The following TNFAIP8L3 variants were observed in gnomAD, a reference collection of about 807,000 sequenced individuals.
TNFAIP8L3 encodes tumor necrosis factor alpha-induced protein 8-like protein 3.
In TNFAIP8L3, 7 loss-of-function variants were observed where a neutral mutation model predicts 11.8. The observed-to-expected ratio is 0.59, with a 90% confidence interval of 0.34 to 1.11. TNFAIP8L3 has a LOEUF of 1.11. Ranked by LOEUF, TNFAIP8L3 falls within the 50% of genes most tolerant of loss-of-function variation. The probability of loss-of-function intolerance (pLI) is 0.03; values close to 1 mark genes in which losing one functional copy is unlikely to be tolerated. For missense variants in TNFAIP8L3, 219 were observed against 258.6 expected (o/e 0.85, Z 1.05); for synonymous variants, 98 against 103.8 (o/e 0.94, Z 0.34).
chr15:51,096,161 A>T (rs1177532422), upstream of TNFAIP8L3, among the ~76,000 whole-genome samples: 1 of 152,122 alleles, frequency 6.6e-6, no homozygotes, highest in African/African-American at 2.4e-5. Flanking sequence ...TGATGTCCAG[A>T]TCTGCTCCTG....
chr15:51,064,004 T>A (rs1271817387), intron 1 of TNFAIP8L3, among the ~76,000 whole-genome samples: 1 of 152,188 alleles, frequency 6.6e-6, no homozygotes, highest in Non-Finnish European at 1.5e-5. Flanking sequence ...TACCTGCAAG[T>A]AATTTGGGGT....
At chr15:51,081,048 G>A (rs1167922053) in intron 1 of TNFAIP8L3, among the ~76,000 whole-genome samples, 1 of 152,028 alleles carries the variant, frequency 6.6e-6, no homozygotes, top group Non-Finnish European at 1.5e-5. Flanking sequence ...TTTTCTCTCT[G>A]GAAGCTTTTA....
At chr15:51,104,117 A>C (rs1436505785) in intron 1 of TNFAIP8L3, among the ~76,000 whole-genome samples, 1 of 152,166 alleles carries the variant, frequency 6.6e-6, no homozygotes, top group Non-Finnish European at 1.5e-5. Flanking sequence ...CATAGTCTCC[A>C]AATTAGTGCC....
chr15:51,094,515 C>T lies in TNFAIP8L3; in HGVS notation c.52+29G>A, dbSNP rs1380962947. 1.0e-5 allele frequency: 15 copies of T among 1,469,538 alleles called. No individual in the cohort carries two copies. The highest frequency in any genetic ancestry group is 7.0e-5 in the Admixed American group (3 of 42,952). The allele number at this position is 1,469,538 out of a possible 1,614,324, so 91.0% of individuals were successfully genotyped here. A position where few individuals can be genotyped will look rare whatever the true frequency, so the allele number is the denominator to read the frequency against. On this transcript the variant is annotated intron_variant, in intron 1 of 1. Transcript: ENST00000637513. This position sits in a 1 kb window ranked among gnomAD's most constrained non-coding sequence, Gnocchi z 4.4. ...CCCGTCCTCCCCAGCCCCAGCCCAC[C>T]CGCCTGGGCCGTCGCGGCCCCTAGG...
chr15:51,084,225 T>C (rs2065411904), intron 1 of TNFAIP8L3, among the ~76,000 whole-genome samples: 1 of 152,174 alleles, frequency 6.6e-6, no homozygotes, highest in South Asian at 2.1e-4. Flanking sequence ...TGTATATACG[T>C]ACATACAGAA....
intron 1 of TNFAIP8L3, among the ~76,000 whole-genome samples, chr15:51,071,720 G>A (rs62018198): frequency 3.2e-4 from 49 of 152,226 alleles, no homozygotes; most frequent in Non-Finnish European, 5.6e-4. Context: ...TAACTTGATT[G>A]CCAAGGCCTG....
In TNFAIP8L3 at chr15:51,081,608, T is replaced by C. The variant is rs192800220; in HGVS notation, c.52+12936A>G. ...GCTGCTCAGACCTCAGCCACTCTCA[T>C]TGAGTGATGACAATTTGGCAGAGCT... On this transcript the variant is annotated intron_variant, in intron 1 of 1. Transcript: ENST00000637513. Among the ~76,000 whole-genome samples the C allele has an allele frequency of 5.9e-5, 9 of 152,320 alleles. No homozygotes were observed. In the East Asian group the frequency reaches 9.6e-4, roughly 16 times the overall value.
Position 51,094,475 on chromosome 15 carries a change from T to C in TNFAIP8L3, c.52+69A>G. 7.2e-7 allele frequency: 1 copy of C among 1,382,746 alleles called. No homozygotes were observed. Among genetic ancestry groups the C allele is most frequent in the Non-Finnish European group, 9.4e-7 (1 of 1,067,108 alleles). 85.7% of individuals were successfully genotyped at this position (1,382,746 alleles called of 1,614,324 possible). ...GGCTGCTGAGGATCGGCTTCCCGATTTCATGCCCCAGCCTCCCGTCCTCCC... is the reference window on the plus strand; with the variant it reads ...GGCTGCTGAGGATCGGCTTCCCGATCTCATGCCCCAGCCTCCCGTCCTCCC... On this transcript the variant is annotated intron_variant, in intron 1 of 1. Transcript: ENST00000637513. The surrounding 1 kb of genome is among the most constrained non-coding windows in gnomAD (Gnocchi z 4.4).
At chr15:51,103,412 A>G (rs1567300154) in intron 1 of TNFAIP8L3, among the ~76,000 whole-genome samples, 2 of 152,214 alleles carry the variant, frequency 1.3e-5, no homozygotes, top group African/African-American at 2.4e-5. Context: ...TTCATTTCAA[A>G]TCATTAACAG....
chr15:51,105,242 G>A, exon 1 of TNFAIP8L3: 10 of 1,543,076 alleles, frequency 6.5e-6, no homozygotes, highest in Non-Finnish European at 8.8e-6. Flanking sequence ...AGGAGGTCTG[G>A]TCGTTTCCCA....
chr15:51,071,202 C>T (rs191271798), intron 1 of TNFAIP8L3, among the ~76,000 whole-genome samples: 1 of 151,842 alleles, frequency 6.6e-6, no homozygotes, highest in Non-Finnish European at 1.5e-5. Flanking sequence ...GTAGCCACCA[C>T]CCAGATGGAA....
At chr15:51,102,232 C>A (rs970341528) in intron 1 of TNFAIP8L3, among the ~76,000 whole-genome samples, 4 of 152,100 alleles carry the variant, frequency 2.6e-5, no homozygotes, top group African/African-American at 9.7e-5. Context: ...GACAGGCATG[C>A]TTTCATCTGA....
At chr15:51,085,559 G>A (rs1350536455) in intron 1 of TNFAIP8L3, among the ~76,000 whole-genome samples, 1 of 152,076 alleles carries the variant, frequency 6.6e-6, no homozygotes, top group African/African-American at 2.4e-5. Context: ...ACAGTAGAAG[G>A]TGTCAGAAGG....
intron 1 of TNFAIP8L3, among the ~76,000 whole-genome samples, chr15:51,070,031 A>C (rs977680557): frequency 1.3e-5 from 2 of 152,244 alleles, no homozygotes. Context: ...CATACTCATC[A>C]AGACTTGAAG....
intron 1 of TNFAIP8L3, among the ~76,000 whole-genome samples, chr15:51,104,492 A>G (rs1425530148): frequency 6.6e-6 from 1 of 152,210 alleles, no homozygotes; most frequent in African/African-American, 2.4e-5. Context: ...CATGTCCTGC[A>G]TCTGCGCCAT....
intron 1 of TNFAIP8L3, among the ~76,000 whole-genome samples, chr15:51,090,990 C>CT (rs1051776497): frequency 3.4e-4 from 51 of 152,194 alleles, no homozygotes; most frequent in African/African-American, 1.2e-3. Context: ...GACTTAACCA[C>CT]TCCCAAGTGA....
rs149934297 is a variant in TNFAIP8L3 at position 51,105,102 on chromosome 15, C to T, written c.75G>A (p.Trp25Ter). ...CTTGGGTCCCTGCATATCCGTTGAC[C>T]CACAGTTTCCCCTTTGGCTCTGCCT... The change falls in exon 1 of 3, where the codon TGG becomes TGA. Residue 25 changes from tryptophan (W) to a stop codon, truncating the protein, a stop_gained. Transcript: ENST00000327536. LOFTEE classifies it high-confidence loss of function. 91 of 1,614,052 alleles carry T rather than the reference C, an allele frequency of 5.6e-5. No homozygotes were observed. Among genetic ancestry groups the T allele is most frequent in the Non-Finnish European group, 7.7e-5 (91 of 1,180,036 alleles).
chr15:51,058,158 T>C lies in TNFAIP8L3; in HGVS notation c.338A>G (p.Asn113Ser). ...VIVEKFRKKL[N>S]QTAMTIVSFY... ...GCTGACAATGGTCATGGCGGTCTGG[T>C]TCAGCTTCTTCCGGAACTTCTCCAC... Residue 113 changes from asparagine to serine, a missense_variant, in exon 2 of 2, where the codon AAC (asparagine) becomes AGC (serine). Physicochemically the swap from Asn to Ser is conservative, Grantham distance 46. Transcript: ENST00000637513. 6.2e-7 allele frequency: 1 copy of C among 1,614,218 alleles called. No individual in the cohort carries two copies. Among genetic ancestry groups the C allele is most frequent in the Non-Finnish European group, 8.5e-7 (1 of 1,180,046 alleles).
chr15:51,060,715 T>C (rs1057139891), intron 1 of TNFAIP8L3, among the ~76,000 whole-genome samples: 9 of 152,238 alleles, frequency 5.9e-5, no homozygotes, highest in Non-Finnish European at 1.3e-4. Flanking sequence ...CTGGGTTAAG[T>C]GGGCATTTTC....
Sources: allele counts gnomAD v4.1 joint callset (sites outside exome capture counted in the v4.1 genomes callset), GRCh38; gene constraint gnomAD v4.1.1; non-coding constraint Gnocchi (gnomAD v3.1); transcripts MANE v1.5; gene names NCBI Gene and HGNC (gene_info 2026-07-23, HGNC 2026-07-21).